Variants in CTXND1 observed in about 807,000 individuals in gnomAD.
CTXND1 encodes cortexin domain containing 1.
At chr15:80,236,830 T>C (rs1481001786) in intron 1 of CTXND1, among the ~76,000 whole-genome samples, 1 of 151,670 alleles carries the variant, frequency 6.6e-6, no homozygotes, top group African/African-American at 2.4e-5. Context: ...TATCACTTAG[T>C]GCTTAGTGGC....
chr15:80,230,732 G>A (rs1455679436), intron 1 of CTXND1, among the ~76,000 whole-genome samples: 1 of 151,914 alleles, frequency 6.6e-6, no homozygotes, highest in African/African-American at 2.4e-5. Flanking sequence ...TCAAAGTATG[G>A]GTATTTAAAA....
chr15:80,226,910 A>G (rs1469521338), intron 1 of CTXND1, among the ~76,000 whole-genome samples: 5 of 152,192 alleles, frequency 3.3e-5, no homozygotes, highest in African/African-American at 1.2e-4. Context: ...AAGAGTGAAG[A>G]GAAGGAAAAG....
intron 1 of CTXND1, among the ~76,000 whole-genome samples, chr15:80,213,808 TG>T (rs1423301729): frequency 6.6e-6 from 1 of 152,154 alleles, no homozygotes; most frequent in African/African-American, 2.4e-5. Context: ...CTATATTCAG[TG>T]GTACTATTCA....
At chr15:80,236,752 C>T (rs539605823) in intron 1 of CTXND1, among the ~76,000 whole-genome samples, 5 of 149,966 alleles carry the variant, frequency 3.3e-5, no homozygotes, top group African/African-American at 1.2e-4. Flanking sequence ...CACTGCACTC[C>T]AGCCTGGGTG....
In CTXND1 at chr15:80,215,009, T is replaced by C. The variant is rs533581762; in HGVS notation, c.-217-11269A>G. ...GTACTATGAAAACTCTGCCATTACA[T>C]TGGAAAACTTCAAAGATATGGATGT... On this transcript the variant is annotated intron_variant, in intron 1 of 2. Coordinates refer to ENST00000560778, the MANE Select transcript of CTXND1 (RefSeq NM_001352888.2). Among the ~76,000 whole-genome samples, 13 of 152,340 alleles carry C rather than the reference T, an allele frequency of 8.5e-5. 1 individual carries two copies. The highest frequency in any genetic ancestry group is 6.2e-4 in the South Asian group (3 of 4,824).
chr15:80,233,601 C>T (rs1176439372), intron 1 of CTXND1, among the ~76,000 whole-genome samples: 4 of 152,116 alleles, frequency 2.6e-5, no homozygotes, highest in Admixed American at 6.5e-5. Flanking sequence ...TTCTTCCTCC[C>T]TGAACAAAGT....
intron 1 of CTXND1, among the ~76,000 whole-genome samples, chr15:80,245,076 A>G (rs1222001571): frequency 6.6e-6 from 1 of 152,152 alleles, no homozygotes; most frequent in Admixed American, 6.5e-5. Context: ...AGTCGGTGTG[A>G]GGATCAGAGG....
At chr15:80,233,563 A>G (rs902294266) in intron 1 of CTXND1, among the ~76,000 whole-genome samples, 4 of 152,134 alleles carry the variant, frequency 2.6e-5, no homozygotes, top group African/African-American at 9.7e-5. Context: ...ATGAGGAGAC[A>G]TCACAGAATG....
At chr15:80,244,398 C>T (rs1424408941) in intron 1 of CTXND1, among the ~76,000 whole-genome samples, 1 of 152,252 alleles carries the variant, frequency 6.6e-6, no homozygotes, top group Non-Finnish European at 1.5e-5. Context: ...CGAGGAGGCA[C>T]AGCCCAACAC....
chr15:80,204,672 T>TATATATATATATACAC (rs898718335), intron 1 of CTXND1, among the ~76,000 whole-genome samples: 7 of 124,834 alleles, frequency 5.6e-5, no homozygotes, highest in African/African-American at 2.2e-4. Context: ...TATATATATA[T>TATATATATATATACAC]ACCACATTTT....
chr15:80,231,405 A>G (rs929808724), intron 1 of CTXND1, among the ~76,000 whole-genome samples: 2 of 135,660 alleles, frequency 1.5e-5, no homozygotes, highest in Non-Finnish European at 3.0e-5. Flanking sequence ...AAAAGAAAAG[A>G]AAAAAAAAAA....
In CTXND1 at chr15:80,221,693, T is replaced by C. The variant is rs187801000; in HGVS notation, c.-217-17953A>G. ...TTTCTAGCTTCTAAAGGTGACAGTT[T>C]AGTAAATTTATTTTAAATCTTTTTT... is the stretch of plus-strand genomic sequence containing the variant. On this transcript the variant is annotated intron_variant, in intron 1 of 2. Transcript: ENST00000560778. Among the ~76,000 whole-genome samples the C allele has an allele frequency of 1.3e-3, 198 of 152,324 alleles. 2 individuals carry two copies. The highest frequency in any genetic ancestry group is 4.4e-3 in the African/African-American group (185 of 41,588).
intron 1 of CTXND1, among the ~76,000 whole-genome samples, chr15:80,208,779 C>T (rs1174141925): frequency 2.6e-5 from 4 of 152,162 alleles, no homozygotes; most frequent in Admixed American, 6.5e-5. Context: ...GATGAAGAGA[C>T]TGAAGTGTAG....
chr15:80,223,156 T>G (rs10851928), intron 1 of CTXND1, among the ~76,000 whole-genome samples: 114,471 of 152,120 alleles, frequency 0.75, 43,296 homozygotes, highest in East Asian at 0.9. Context: ...TCGGCCCACC[T>G]CAACCTCCGC....
At chr15:80,222,286 G>T (rs1893326661) in intron 1 of CTXND1, among the ~76,000 whole-genome samples, 1 of 152,120 alleles carries the variant, frequency 6.6e-6, no homozygotes, top group Admixed American at 6.5e-5. Context: ...TCATCCAGAT[G>T]ATCAATTATG....
intron 1 of CTXND1, among the ~76,000 whole-genome samples, chr15:80,248,837 C>T (rs1893662906): frequency 6.6e-6 from 1 of 152,180 alleles, no homozygotes; most frequent in Admixed American, 6.5e-5. Context: ...TGGTAACCAC[C>T]TGGGCATAGA....
At chr15:80,225,163 AT>A (rs765248581) in intron 1 of CTXND1, among the ~76,000 whole-genome samples, 34 of 152,328 alleles carry the variant, frequency 2.2e-4, no homozygotes, top group Admixed American at 3.3e-4. Context: ...AAAACTATTG[AT>A]TCATTGTTGT....
At chr15:80,223,170 C>T (rs947113740) in intron 1 of CTXND1, among the ~76,000 whole-genome samples, 1 of 152,178 alleles carries the variant, frequency 6.6e-6, no homozygotes, top group African/African-American at 2.4e-5. Flanking sequence ...CCTCCGCCTC[C>T]TAGGTTCAAG....
At chr15:80,215,362 A>G (rs975807336) in intron 1 of CTXND1, among the ~76,000 whole-genome samples, 15 of 152,206 alleles carry the variant, frequency 9.9e-5, no homozygotes, top group Admixed American at 3.3e-4. Flanking sequence ...TCAAACTCCA[A>G]TATTGACTAT....
Sources: allele counts gnomAD v4.1 joint callset (sites outside exome capture counted in the v4.1 genomes callset), GRCh38; gene constraint gnomAD v4.1.1; transcripts MANE v1.5; gene names NCBI Gene and HGNC (gene_info 2026-07-23, HGNC 2026-07-21).